Variants in HSPA5 observed in about 807,000 individuals in gnomAD.
The protein encoded by HSPA5 is heat shock protein family A (Hsp70) member 5.
In HSPA5, 16 loss-of-function variants were observed where a neutral mutation model predicts 49.5. That is an observed-to-expected ratio of 0.32 (90% CI 0.22 to 0.49). HSPA5 has a LOEUF of 0.49. Among genes scored for constraint, HSPA5 ranks in the 20% least tolerant of loss-of-function variants. The pLI is 0.99. For synonymous variants in HSPA5, 271 were observed against 307.2 expected (o/e 0.88, Z 1.23); for missense variants, 376 against 819.0 (o/e 0.46, Z 6.60).
chr9:125,236,629 G>A lies in HSPA5; in HGVS notation c.1928C>T (p.Thr643Ile). 2 of 1,610,420 alleles carry A rather than the reference G, an allele frequency of 1.2e-6. No homozygotes were observed. The highest frequency in any genetic ancestry group is 1.7e-6 in the Non-Finnish European group (2 of 1,178,824). ...KLYGSAGPPP[T>I]GEEDTAEKDE... is the part of the protein sequence containing the mutation. ...TTTTTCTGCTGTATCCTCTTCACCAGTTGGGGGAGGGCCTGCACTTCCATA... is the reference window on the plus strand; with the variant it reads ...TTTTTCTGCTGTATCCTCTTCACCAATTGGGGGAGGGCCTGCACTTCCATA... Residue 643 changes from threonine (T) to isoleucine (I), a missense_variant, in exon 8 of 8, where the codon ACT becomes ATT. Physicochemically the swap from Thr to Ile is moderately conservative, Grantham distance 89. Transcript: ENST00000324460.
chr9:125,238,874 A>T, intron 5 of HSPA5, 47 bp from the exon 6 acceptor site: 6 of 1,607,412 alleles, frequency 3.7e-6, no homozygotes, highest in Non-Finnish European at 5.1e-6. Context: ...CTAAGTATCT[A>T]GATGCAATGT....
chr9:125,238,116 G>C, intron 7 of HSPA5, 25 bp downstream of exon 7: 3 of 1,586,230 alleles, frequency 1.9e-6, no homozygotes, highest in Non-Finnish European at 2.6e-6. Flanking sequence ...AAAAAGCCAT[G>C]ATATTAACAA....
chr9:125,238,340 A>C, intron 6 of HSPA5, 32 bp from the exon 7 acceptor site: 32 of 1,580,396 alleles, frequency 2.0e-5, no homozygotes, highest in Non-Finnish European at 2.7e-5. Flanking sequence ...CTTTTAATTC[A>C]AGTTCTCCCT....
In HSPA5 at chr9:125,240,695, A is replaced by G; in HGVS notation, c.335T>C (p.Ile112Thr). 8 of 1,613,500 alleles carry G rather than the reference A, an allele frequency of 5.0e-6. No homozygotes were observed. The highest frequency in any genetic ancestry group is 6.8e-6 in the Non-Finnish European group (8 of 1,179,494). Residue 112 changes from isoleucine (I) to threonine (T), a missense_variant, in exon 2 of 8, where the codon ATC becomes ACC. Around this residue, in one of 8 missense-constraint regions of HSPA5, gnomAD observed 89 missense variants for 200.0 expected, o/e 0.44. Coordinates refer to ENST00000324460, the MANE Select transcript of HSPA5 (RefSeq NM_005347.5). This position sits in a 1 kb window ranked among gnomAD's most constrained non-coding sequence, Gnocchi z 4.4. Reference protein sequence around the residue: ...TWNDPSVQQDIKFLPFKVVEK... With the variant: ...TWNDPSVQQDTKFLPFKVVEK... Reference sequence around the variant, plus strand: ...TCGAACCTTGAACGGCAAGAACTTGATGTCCTGCTGCACAGACGGGTCATT... The same window carrying G: ...TCGAACCTTGAACGGCAAGAACTTGGTGTCCTGCTGCACAGACGGGTCATT...
At chr9:125,238,352 T>A in intron 6 of HSPA5, 44 bp from the exon 7 acceptor site, 3 of 1,535,670 alleles carry the variant, frequency 2.0e-6, no homozygotes, top group Non-Finnish European at 1.8e-6. Context: ...GTTCTCCCTA[T>A]GAGCTATGTA....
chr9:125,238,408 T>C (rs1230230196), intron 6 of HSPA5, 100 bp from the exon 7 acceptor site: 31 of 1,131,718 alleles, frequency 2.7e-5, no homozygotes, highest in Non-Finnish European at 3.9e-5. Context: ...ACACACATTT[T>C]AAAGGCAGTG....
chr9:125,236,513 CTT>C lies in HSPA5; in HGVS notation c.*77_*78del. The C allele has an allele frequency of 3.9e-6, 4 of 1,022,182 alleles. No individual in the cohort carries two copies. The highest frequency in any genetic ancestry group is 1.4e-6 in the Non-Finnish European group (1 of 695,874). The allele number at this position is 1,022,182 out of a possible 1,614,324, so 63.3% of individuals were successfully genotyped here. The stretch of plus-strand genomic sequence containing the variant: ...GTGAAGATTCCAATTACATTCGAGA[CTT>C]AAGTTCTTTCAATTTTTTCCTAACA... On this transcript the variant is annotated 3_prime_UTR_variant, in exon 8 of 8. Coordinates refer to ENST00000324460, the MANE Select transcript of HSPA5 (RefSeq NM_005347.5).
intron 5 of HSPA5, 32 bp from the exon 6 acceptor site, chr9:125,238,859 G>A (rs1832528961): frequency 1.2e-6 from 2 of 1,606,524 alleles, no homozygotes; most frequent in Non-Finnish European, 1.7e-6. Context: ...TGTGATGTCT[G>A]TTATCTAAGT....
Position 125,240,930 on chromosome 9 carries a change from G to A in HSPA5, c.123-23C>T, listed in dbSNP as rs1372773451. ...ACGCTGGCAGAAAAACCCGACAGAG[G>A]GACATCAGCACCGCACTTCTCACGC... On this transcript the variant is annotated intron_variant, in intron 1 of 7. Coordinates refer to ENST00000324460, the MANE Select transcript of HSPA5 (RefSeq NM_005347.5). This position sits in a 1 kb window ranked among gnomAD's most constrained non-coding sequence, Gnocchi z 4.4. 5 of 1,613,232 alleles carry A rather than the reference G, an allele frequency of 3.1e-6. No individual in the cohort carries two copies. Among genetic ancestry groups the A allele is most frequent in the African/African-American group, 1.3e-5 (1 of 74,950 alleles).
At chr9:125,237,536 C>T (rs936670170) in intron 7 of HSPA5, among the ~76,000 whole-genome samples, 2 of 151,440 alleles carry the variant, frequency 1.3e-5, no homozygotes, top group African/African-American at 4.8e-5. Context: ...GCCAACATGG[C>T]GAAACTCCGC....
rs920746006 is a variant in HSPA5, at chr9:125,234,926, A to G, written c.*1666T>C. On this transcript the variant is annotated 3_prime_UTR_variant, in exon 8 of 8. Transcript: ENST00000324460. The stretch of plus-strand genomic sequence containing the variant: ...ACAGACTAGGTGGTCCACGGTAGTG[A>G]GAGCCTTTGAGGTAAGGGAAGACTA... 2 of 152,116 alleles carry G rather than the reference A, an allele frequency of 1.3e-5. No individual in the cohort carries two copies. Among genetic ancestry groups the G allele is most frequent in the Non-Finnish European group, 1.5e-5 (1 of 68,024 alleles). The allele number at this position is 152,116 out of a possible 1,614,324, so 9.4% of individuals were successfully genotyped here.
At chr9:125,238,509 T>C (rs906424754) in intron 6 of HSPA5, 81 bp downstream of exon 6, 2 of 1,208,246 alleles carry the variant, frequency 1.7e-6, no homozygotes, top group African/African-American at 3.0e-5. Flanking sequence ...GCTCATATTC[T>C]GGTATTTTCT....
chr9:125,239,569 A>G lies in HSPA5; in HGVS notation c.493-36T>C, dbSNP rs1832537285. On this transcript the variant is annotated intron_variant, in intron 3 of 7. Coordinates refer to ENST00000324460, the MANE Select transcript of HSPA5 (RefSeq NM_005347.5). The surrounding 1 kb of genome is among the most constrained non-coding windows in gnomAD (Gnocchi z 5.5). ...AAAAGATAATTAAGTGTATTGTCAC[A>G]TAGTTTAACCCTTATTTAAATTACA... 6.7e-7 allele frequency: 1 copy of G among 1,502,414 alleles called. No individual in the cohort carries two copies. Among genetic ancestry groups the G allele is most frequent in the Non-Finnish European group, 9.3e-7 (1 of 1,079,240 alleles). 93.1% of individuals were successfully genotyped at this position (1,502,414 alleles called of 1,614,324 possible). A position where few individuals can be genotyped will look rare whatever the true frequency, so the allele number is the denominator to read the frequency against.
In HSPA5 at chr9:125,240,590, T is replaced by C; in HGVS notation, c.354+86A>G. The C allele has an allele frequency of 9.0e-7, 1 of 1,108,622 alleles. No individual in the cohort carries two copies. 68.7% of individuals were successfully genotyped at this position (1,108,622 alleles called of 1,614,324 possible). ...TCATGTCTATAACCTTCAACTGTTGTCTCAACACTTTTCCAGAGACTTATA... is the reference window on the plus strand; with the variant it reads ...TCATGTCTATAACCTTCAACTGTTGCCTCAACACTTTTCCAGAGACTTATA... On this transcript the variant is annotated intron_variant, in intron 2 of 7. Coordinates refer to ENST00000324460, the MANE Select transcript of HSPA5 (RefSeq NM_005347.5). This position sits in a 1 kb window ranked among gnomAD's most constrained non-coding sequence, Gnocchi z 4.4.
chr9:125,236,635 G>T lies in HSPA5; in HGVS notation c.1922C>A (p.Pro641His). 1 of 1,611,280 alleles carries T rather than the reference G, an allele frequency of 6.2e-7. No individual in the cohort carries two copies. Among genetic ancestry groups the T allele is most frequent in the Non-Finnish European group, 8.5e-7 (1 of 1,179,080 alleles). The stretch of plus-strand genomic sequence containing the variant: ...TGCTGTATCCTCTTCACCAGTTGGG[G>T]GAGGGCCTGCACTTCCATAGAGTTT... ...ISKLYGSAGP[P>H]PTGEEDTAEK... Residue 641 changes from proline to histidine, a missense_variant, in exon 8 of 8, where the codon CCC becomes CAC. By Grantham distance (77) the Pro-to-His change is moderately conservative (BLOSUM62 -2). Around this residue, in one of 8 missense-constraint regions of HSPA5, gnomAD observed 72 missense variants for 87.8 expected, o/e 0.82. Transcript: ENST00000324460.
Position 125,241,142 on chromosome 9 carries a change from G to A in HSPA5, c.-16C>T. The A allele has an allele frequency of 6.2e-7, 1 of 1,606,638 alleles. No homozygotes were observed. The highest frequency in any genetic ancestry group is 1.3e-5 in the African/African-American group (1 of 74,958). On this transcript the variant is annotated 5_prime_UTR_variant, in exon 1 of 8. Transcript: ENST00000324460. Reference sequence around the variant, plus strand: ...AGAGCTTCATCTTGCCAGCCAGTTGGGCAGCAGCAGGCAGTCCAGCCACAG... The same window carrying A: ...AGAGCTTCATCTTGCCAGCCAGTTGAGCAGCAGCAGGCAGTCCAGCCACAG...
chr9:125,241,300 A>C lies in HSPA5; in HGVS notation c.-174T>G. On this transcript the variant is annotated 5_prime_UTR_variant, in exon 1 of 8. Transcript: ENST00000324460. ...GGCGCTTCCCTCTCACACTCGCGAA[A>C]CACCCCAATAGGTCAATCTGTCTGT... 1 of 683,982 alleles carries C rather than the reference A, an allele frequency of 1.5e-6. No individual in the cohort carries two copies. The highest frequency in any genetic ancestry group is 1.8e-5 in the African/African-American group (1 of 55,586). The allele number at this position is 683,982 out of a possible 1,614,324, so 42.4% of individuals were successfully genotyped here.
At position 125,239,211 on chromosome 9, in the gene HSPA5, G is replaced by A. The variant is rs1234339889; in HGVS notation, c.726C>T (p.Phe242=). ...TATCTCCATTAGTGGCCACAACTTCGAAGACACCATTGTCAATGGTGAGAA... is the reference window on the plus strand; with the variant it reads ...TATCTCCATTAGTGGCCACAACTTCAAAGACACCATTGTCAATGGTGAGAA... ...VSLLTIDNGV[F]EVVATNGDTH... Residue 242 remains phenylalanine (F), a synonymous_variant, in exon 5 of 8, where the codon TTC becomes TTT. Transcript: ENST00000324460. This position sits in a 1 kb window ranked among gnomAD's most constrained non-coding sequence, Gnocchi z 5.5. The A allele has an allele frequency of 6.2e-7, 1 of 1,614,046 alleles. No individual in the cohort carries two copies. Among genetic ancestry groups the A allele is most frequent in the East Asian group, 2.2e-5 (1 of 44,876 alleles).
In HSPA5 at chr9:125,240,683, G is replaced by T. The variant is rs752980725; in HGVS notation, c.347C>A (p.Pro116Gln). 1 of 1,611,250 alleles carries T rather than the reference G, an allele frequency of 6.2e-7. No individual in the cohort carries two copies. Residue 116 changes from proline (P) to glutamine (Q), a missense_variant, in exon 2 of 8, where the codon CCG becomes CAG. Pro to Gln is a moderately conservative substitution (Grantham distance 76). Coordinates refer to ENST00000324460, the MANE Select transcript of HSPA5 (RefSeq NM_005347.5). The surrounding 1 kb of genome is among the most constrained non-coding windows in gnomAD (Gnocchi z 4.4). ...PSVQQDIKFL[P>Q]FKVVEKKTKP... Reference sequence around the variant, plus strand: ...AGAAAAACCCGGTCGAACCTTGAACGGCAAGAACTTGATGTCCTGCTGCAC... The same window carrying T: ...AGAAAAACCCGGTCGAACCTTGAACTGCAAGAACTTGATGTCCTGCTGCAC...
Sources: gnomAD v4.1 joint callset for allele counts (sites outside exome capture counted in the v4.1 genomes callset) on GRCh38, gnomAD v4.1.1 for gene constraint, gnomAD v4.1.1 regional missense constraint, Gnocchi (gnomAD v3.1) non-coding constraint, MANE v1.5 for transcripts, NCBI Gene and HGNC (gene_info 2026-07-23, HGNC 2026-07-21) for gene names.